GAN: variants seen among roughly 807,000 people sequenced by gnomAD.
GAN encodes the protein epididymis secretory sperm binding protein.
In GAN, 48 loss-of-function variants were observed where a neutral mutation model predicts 71.3. That is an observed-to-expected ratio of 0.67 (90% confidence interval 0.53 to 0.86). The LOEUF (loss-of-function observed/expected upper bound fraction) is 0.86, where lower values mean the gene tolerates loss of function less well. GAN is among the 40% of genes least tolerant of loss of function. GAN has a pLI of 0.00. For missense variants in GAN, 928 were observed against 770.1 expected, an observed-to-expected ratio of 1.21 and a Z score of -2.43; for synonymous variants, 386 against 276.8, an observed-to-expected ratio of 1.39 and a Z score of -3.92.
At chr16:81,340,354 A>G (rs1233911830) in intron 1 of GAN, among the ~76,000 whole-genome samples, 1 of 152,236 alleles carries the variant, frequency 6.6e-6, no homozygotes, top group Non-Finnish European at 1.5e-5. Context: ...AATAAAAATA[A>G]AAGAAAACAA....
At chr16:81,374,396 A>G (rs1443397347) in intron 9 of GAN, among the ~76,000 whole-genome samples, 1 of 152,220 alleles carries the variant, frequency 6.6e-6, no homozygotes, top group African/African-American at 2.4e-5. Flanking sequence ...GAAACTGTCA[A>G]GCACTCATTT....
chr16:81,340,701 A>T (rs1265002755), intron 1 of GAN, among the ~76,000 whole-genome samples: 1 of 151,792 alleles, frequency 6.6e-6, no homozygotes, highest in Non-Finnish European at 1.5e-5. Flanking sequence ...GAAAGGCTGA[A>T]AATTCTTTGG....
intron 1 of GAN, among the ~76,000 whole-genome samples, chr16:81,338,235 G>A (rs1459055004): frequency 1.3e-5 from 2 of 152,134 alleles, no homozygotes; most frequent in East Asian, 3.9e-4. Flanking sequence ...ATATTTTAAG[G>A]TTGCTGCATT....
chr16:81,377,797 G>T lies in GAN; in HGVS notation c.*201G>T. 1.7e-6 allele frequency: 1 copy of T among 605,988 alleles called. No individual in the cohort carries two copies. The highest frequency in any genetic ancestry group is 2.9e-6 in the Non-Finnish European group (1 of 339,070). 37.5% of individuals were successfully genotyped at this position (605,988 alleles called of 1,614,324 possible). Reference sequence around the variant, plus strand: ...GTAACTGTTGAAAAACTACCTGGGAGGAGTGAGTTCCTCCAGTTAAATGTG... The same window carrying T: ...GTAACTGTTGAAAAACTACCTGGGATGAGTGAGTTCCTCCAGTTAAATGTG... On this transcript the variant is annotated 3_prime_UTR_variant, in exon 11 of 11. Transcript: ENST00000648994.
Position 81,356,934 on chromosome 16 carries a change from G to C in GAN, c.783G>C (p.Ala261=). 2 of 1,613,820 alleles carry C rather than the reference G, an allele frequency of 1.2e-6. No individual in the cohort carries two copies. The highest frequency in any genetic ancestry group is 1.7e-6 in the Non-Finnish European group (2 of 1,179,876). ...TCAGCCAGCCGCAGCAAGGGGAGGC[G>C]ATGCTGGCCAACTTCAAACCCCGGG... The part of the protein sequence containing the change: ...IPLSQPQQGE[A]MLANFKPRGY... Residue 261 remains alanine, a synonymous_variant, in exon 4 of 11, where the codon GCG becomes GCC. Coordinates refer to ENST00000648994, the MANE Select transcript of GAN (RefSeq NM_022041.4).
chr16:81,381,681 G>GCC lies in GAN; in HGVS notation c.*4088_*4089dup, dbSNP rs1260811336. 6.6e-6 allele frequency: 1 copy of GCC among 152,258 alleles called. No individual in the cohort carries two copies. The highest frequency in any genetic ancestry group is 1.5e-5 in the Non-Finnish European group (1 of 68,068). 9.4% of individuals were successfully genotyped at this position (152,258 alleles called of 1,614,324 possible). ...TAAACCCACTATGGAACGGGCAAGG[G>GCC]CCCCGTCTTTGTCATCTGCCAGTCT... On this transcript the variant is annotated 3_prime_UTR_variant, in exon 11 of 11. Transcript: ENST00000648994.
intron 7 of GAN, 111 bp from the exon 8 acceptor site, chr16:81,364,863 A>G: frequency 9.2e-7 from 1 of 1,086,698 alleles, no homozygotes; most frequent in South Asian, 1.3e-5. Flanking sequence ...ACGGTTAGAA[A>G]TCAAACCCCT....
chr16:81,355,741 G>A (rs2150686317), intron 3 of GAN, among the ~76,000 whole-genome samples: 1 of 152,296 alleles, frequency 6.6e-6, no homozygotes, highest in Middle Eastern at 3.4e-3. Flanking sequence ...AAATATATTA[G>A]GTGTTAGAGA....
At chr16:81,324,544 G>T (rs768789676) in intron 1 of GAN, among the ~76,000 whole-genome samples, 1 of 152,156 alleles carries the variant, frequency 6.6e-6, no homozygotes, top group Non-Finnish European at 1.5e-5. Flanking sequence ...GGTGAGCAAA[G>T]GGTGGGATGG....
chr16:81,323,064 GC>G (rs1909270706), intron 1 of GAN, among the ~76,000 whole-genome samples: 1 of 152,216 alleles, frequency 6.6e-6, no homozygotes, highest in Non-Finnish European at 1.5e-5. Context: ...GGAGCTGGAG[GC>G]CAGCAGGACC....
rs564625885 is a variant in GAN, at chr16:81,319,372, G to A, written c.167+4092G>A. The stretch of plus-strand genomic sequence containing the variant: ...ATTTTTCTTTTGAATATTACAGTTT[G>A]GTCTGCTTCATGTCTGAGGCTCTTC... On this transcript the variant is annotated intron_variant, in intron 1 of 10. Coordinates refer to ENST00000648994, the MANE Select transcript of GAN (RefSeq NM_022041.4). Among the ~76,000 whole-genome samples, 8 of 151,978 alleles carry A rather than the reference G, an allele frequency of 5.3e-5. No homozygotes were observed. In the South Asian group the frequency reaches 1.7e-3, roughly 32 times the overall value.
intron 1 of GAN, among the ~76,000 whole-genome samples, chr16:81,337,605 C>A (rs1311902484): frequency 6.6e-6 from 1 of 152,120 alleles, no homozygotes; most frequent in African/African-American, 2.4e-5. Context: ...CTATACGTAC[C>A]CAGTGGATGA....
rs928688678 is a variant in GAN, at chr16:81,385,443, A to C, written c.*7847A>C. On this transcript the variant is annotated 3_prime_UTR_variant, in exon 11 of 11. Transcript: ENST00000648994. The stretch of plus-strand genomic sequence containing the variant: ...CTTGGGGGCTTCTGCCACACTTACT[A>C]CTCTGTGACTTGGGAAGCTCTTAAG... 3 of 151,990 alleles carry C rather than the reference A, an allele frequency of 2.0e-5. No individual in the cohort carries two copies. Among genetic ancestry groups the C allele is most frequent in the African/African-American group, 7.3e-5 (3 of 41,370 alleles). The allele number at this position is 151,990 out of a possible 1,614,324, so 9.4% of individuals were successfully genotyped here.
chr16:81,363,094 A>G lies in GAN; in HGVS notation c.1086+483A>G, dbSNP rs118187804. On this transcript the variant is annotated intron_variant, in intron 6 of 10. Coordinates refer to ENST00000648994, the MANE Select transcript of GAN (RefSeq NM_022041.4). ...CGTAGGGTTTACTACATAAATATTC[A>G]TTGACAAACGGACATGAAACACCTA... Among the ~76,000 whole-genome samples, 1,083 of 152,336 alleles carry G rather than the reference A, an allele frequency of 7.1e-3. 6 individuals carry two copies. The highest frequency in any genetic ancestry group is 0.02 in the Middle Eastern group (6 of 294).
At chr16:81,327,400 A>T (rs914344689) in intron 1 of GAN, among the ~76,000 whole-genome samples, 2 of 152,136 alleles carry the variant, frequency 1.3e-5, no homozygotes, top group Non-Finnish European at 2.9e-5. Context: ...TATTAAAGGG[A>T]ACTGGAGGGG....
At position 81,315,131 on chromosome 16, in the gene GAN, C is replaced by G; in HGVS notation, c.18C>G (p.Ala6=). The G allele has an allele frequency of 2.6e-6, 4 of 1,523,050 alleles. No individual in the cohort carries two copies. The highest frequency in any genetic ancestry group is 1.2e-5 in the South Asian group (1 of 81,152). The allele number at this position is 1,523,050 out of a possible 1,614,324, so 94.3% of individuals were successfully genotyped here. Residue 6 remains alanine (A), a synonymous_variant, in exon 1 of 11, where the codon GCC becomes GCG. Coordinates refer to ENST00000648994, the MANE Select transcript of GAN (RefSeq NM_022041.4). ...GCGCCGCGATGGCTGAGGGCAGTGCCGTGTCTGACCCTCAGCACGCCGCGC... is the reference window on the plus strand; with the variant it reads ...GCGCCGCGATGGCTGAGGGCAGTGCGGTGTCTGACCCTCAGCACGCCGCGC... MAEGS[A]VSDPQHAARL... is the part of the protein sequence containing the mutation.
Position 81,379,796 on chromosome 16 carries a change from T to C in GAN, c.*2200T>C, listed in dbSNP as rs1904296317. 6.6e-6 allele frequency: 1 copy of C among 152,166 alleles called. No individual in the cohort carries two copies. The highest frequency in any genetic ancestry group is 1.5e-5 in the Non-Finnish European group (1 of 68,034). The allele number at this position is 152,166 out of a possible 1,614,324, so 9.4% of individuals were successfully genotyped here. On this transcript the variant is annotated 3_prime_UTR_variant, in exon 11 of 11. Transcript: ENST00000648994. ...TTTTAATTTCTGATATTTAAAGTTT[T>C]TTTTCCAGTCTACACCAGGCCTCTC...
chr16:81,338,040 A>T (rs1241538635), intron 1 of GAN, among the ~76,000 whole-genome samples: 1 of 152,196 alleles, frequency 6.6e-6, no homozygotes, highest in Non-Finnish European at 1.5e-5. Context: ...ATTGCAAATC[A>T]CCTTAATCTC....
chr16:81,376,593 AAGTATAT>A (rs1455849313), intron 9 of GAN, among the ~76,000 whole-genome samples: 1 of 150,542 alleles, frequency 6.6e-6, no homozygotes, highest in Non-Finnish European at 1.5e-5. Context: ...ATGTATGTAT[AAGTATAT>A]ATTATATGTA....
Sources: gnomAD v4.1 joint callset for allele counts (sites outside exome capture counted in the v4.1 genomes callset) on GRCh38, gnomAD v4.1.1 for gene constraint, MANE v1.5 for transcripts, NCBI Gene and HGNC (gene_info 2026-07-23, HGNC 2026-07-21) for gene names.